The following RFX3 variants were observed in gnomAD, a reference collection of about 807,000 sequenced individuals.
The protein encoded by RFX3 is transcription factor RFX3.
A neutral mutation model predicts 98.6 loss-of-function variants in RFX3; 14 were observed. That is an observed-to-expected ratio of 0.14 (90% CI 0.09 to 0.22). The LOEUF is 0.22. RFX3 is among the 10% of genes least tolerant of loss of function. RFX3 has a pLI of 1.00. For missense variants in RFX3, 639 were observed against 926.9 expected (o/e 0.69, Z 4.03); for synonymous variants, 383 against 328.4 (o/e 1.17, Z -1.80).
intron 13 of RFX3, 36 bp downstream of exon 13, chr9:3,262,899 T>C: frequency 6.2e-7 from 1 of 1,603,980 alleles, no homozygotes; most frequent in Admixed American, 1.7e-5. Flanking sequence ...TGGGTATCTT[T>C]CCTTAAGAGA....
intron 7 of RFX3, among the ~76,000 whole-genome samples, chr9:3,281,966 A>G (rs1442058691): frequency 6.6e-6 from 1 of 151,812 alleles, no homozygotes; most frequent in African/African-American, 2.4e-5. Flanking sequence ...AAAGTGGCTG[A>G]AAAATGCACA....
chr9:3,414,717 T>TGA (rs1296093762), intron 1 of RFX3, among the ~76,000 whole-genome samples: 175 of 133,222 alleles, frequency 1.3e-3, no homozygotes, highest in East Asian at 4.9e-3. Flanking sequence ...TGAGTATATA[T>TGA]GTATATATGA....
At chr9:3,504,045 T>A (rs1430724577) in intron 1 of RFX3, among the ~76,000 whole-genome samples, 1 of 150,482 alleles carries the variant, frequency 6.6e-6, no homozygotes, top group Non-Finnish European at 1.5e-5. Flanking sequence ...ACTTCAAGAA[T>A]TTAATTTTGA....
chr9:3,501,628 C>T (rs1188220806), intron 1 of RFX3, among the ~76,000 whole-genome samples: 1 of 147,622 alleles, frequency 6.8e-6, no homozygotes, highest in Non-Finnish European at 1.5e-5. Context: ...GCAATGTCAG[C>T]TCACTGCAAC....
At chr9:3,369,692 T>C (rs1837584998) in intron 2 of RFX3, among the ~76,000 whole-genome samples, 1 of 152,214 alleles carries the variant, frequency 6.6e-6, no homozygotes. Flanking sequence ...AGAATACTTT[T>C]ACACTAGCGA....
chr9:3,303,102 G>A (rs184783328), intron 4 of RFX3, among the ~76,000 whole-genome samples: 2 of 151,602 alleles, frequency 1.3e-5, no homozygotes, highest in African/African-American at 4.8e-5. Flanking sequence ...AGAAACACAG[G>A]CTTCTAGAAA....
intron 2 of RFX3, among the ~76,000 whole-genome samples, chr9:3,363,526 A>C (rs1836700312): frequency 6.6e-6 from 1 of 152,232 alleles, no homozygotes; most frequent in Non-Finnish European, 1.5e-5. Flanking sequence ...TTTGCAGCCA[A>C]AGCACTATAG....
At chr9:3,360,696 T>C (rs1836320713) in intron 2 of RFX3, among the ~76,000 whole-genome samples, 1 of 152,184 alleles carries the variant, frequency 6.6e-6, no homozygotes, top group Non-Finnish European at 1.5e-5. Context: ...GTACTTTTTT[T>C]GTAATTTGTA....
At position 3,460,758 on chromosome 9, in the gene RFX3, G is replaced by A. The variant is rs1004415999; in HGVS notation, c.-9+64989C>T. Among the ~76,000 whole-genome samples the A allele has an allele frequency of 8.2e-5, 12 of 146,644 alleles. No homozygotes were observed. In the South Asian group the frequency reaches 2.1e-3, roughly 26 times the overall value. On this transcript the variant is annotated intron_variant, in intron 1 of 16. Transcript: ENST00000617270. ...AGGCTACACATGCCCACTATCAAAA[G>A]AAAGCTTCAAAACACTGTACTATTT...
Position 3,277,383 on chromosome 9 carries a change from C to T in RFX3, c.930G>A (p.Glu310=), listed in dbSNP as rs1825369533. The T allele has an allele frequency of 3.7e-6, 6 of 1,612,784 alleles. No individual in the cohort carries two copies. Among genetic ancestry groups the T allele is most frequent in the Non-Finnish European group, 5.1e-6 (6 of 1,179,032 alleles). The change falls in exon 8 of 17, where the codon GAG becomes GAA. Residue 310 remains glutamate, a synonymous_variant. Transcript: ENST00000617270. Reference sequence around the variant, plus strand: ...GTTGGCTTTGGGCAATTACAGTTTGCTCAACAGATGTGCCTGTCTGTTGAC... The same window carrying T: ...GTTGGCTTTGGGCAATTACAGTTTGTTCAACAGATGTGCCTGTCTGTTGAC... ...GSGQQTGTSV[E]QTVIAQSQHH...
At chr9:3,318,942 C>T (rs1459191085) in intron 4 of RFX3, among the ~76,000 whole-genome samples, 1 of 152,182 alleles carries the variant, frequency 6.6e-6, no homozygotes, top group Non-Finnish European at 1.5e-5. Context: ...CAGATTCCCC[C>T]ACCCTCACTA....
At chr9:3,297,345 TA>T (rs1404458685) in intron 5 of RFX3, among the ~76,000 whole-genome samples, 8 of 152,126 alleles carry the variant, frequency 5.3e-5, no homozygotes, top group Non-Finnish European at 1.2e-4. Flanking sequence ...CCTTTATCTT[TA>T]AAACTTGATT....
chr9:3,371,260 G>C (rs1212657641), intron 2 of RFX3, among the ~76,000 whole-genome samples: 1 of 152,070 alleles, frequency 6.6e-6, no homozygotes, highest in Non-Finnish European at 1.5e-5. Flanking sequence ...TTTGCCAGTG[G>C]AGTTAAGATA....
chr9:3,263,982 A>G (rs1823272928), intron 12 of RFX3, among the ~76,000 whole-genome samples: 1 of 151,480 alleles, frequency 6.6e-6, no homozygotes, highest in South Asian at 2.1e-4. Flanking sequence ...TCCTAATGCC[A>G]TAACTTTCAC....
At chr9:3,422,252 G>C (rs1217369334) in intron 1 of RFX3, among the ~76,000 whole-genome samples, 1 of 152,166 alleles carries the variant, frequency 6.6e-6, no homozygotes. Context: ...CAGCCCAGCA[G>C]GGCTGACTCC....
intron 1 of RFX3, among the ~76,000 whole-genome samples, chr9:3,435,234 A>C (rs941623099): frequency 5.9e-5 from 9 of 152,072 alleles, no homozygotes; most frequent in Admixed American, 3.3e-4. Context: ...GTAATAAATT[A>C]ACATTGGCTT....
At chr9:3,275,693 C>A in intron 8 of RFX3, 81 bp from the exon 9 acceptor site, 1 of 762,366 alleles carries the variant, frequency 1.3e-6, no homozygotes, top group Non-Finnish European at 2.1e-6. Flanking sequence ...TTTAAGAAGA[C>A]CAAAAAGAAA....
intron 1 of RFX3, among the ~76,000 whole-genome samples, chr9:3,512,713 A>C (rs1027136075): frequency 6.6e-5 from 10 of 152,096 alleles, no homozygotes; most frequent in Non-Finnish European, 5.9e-5. Context: ...GCTCAAAAAG[A>C]GGCTAAGTAC....
chr9:3,247,018 G>C (rs1820763393), intron 15 of RFX3: 1 of 935,588 alleles, frequency 1.1e-6, no homozygotes, highest in Non-Finnish European at 1.3e-6. Context: ...TATTAAACTA[G>C]GAAAAGCATT....
Sources: gnomAD v4.1 joint callset for allele counts (sites outside exome capture counted in the v4.1 genomes callset) on GRCh38, gnomAD v4.1.1 for gene constraint, MANE v1.5 for transcripts, NCBI Gene and HGNC (gene_info 2026-07-23, HGNC 2026-07-21) for gene names.